MSRA: variants seen among roughly 807,000 people sequenced by gnomAD.
MSRA encodes the protein mitochondrial peptide methionine sulfoxide reductase.
In MSRA, 54 loss-of-function variants were observed where a neutral mutation model predicts 31.3. The observed-to-expected ratio is 1.73, with a 90% CI of 1.39 to 2.17. The LOEUF (loss-of-function observed/expected upper bound fraction) is 2.17, where lower values mean the gene tolerates loss of function less well. Among genes scored for constraint, MSRA ranks in the 30% most tolerant of loss-of-function variants. MSRA has a pLI of 0.00. For synonymous variants in MSRA, 169 were observed against 116.5 expected, an observed-to-expected ratio of 1.45 and a Z score of -2.90; for missense variants, 507 against 300.9, an observed-to-expected ratio of 1.69 and a Z score of -5.07.
chr8:10,373,730 G>A (rs1198067969), intron 5 of MSRA, among the ~76,000 whole-genome samples: 1 of 152,254 alleles, frequency 6.6e-6, no homozygotes, highest in East Asian at 1.9e-4. Context: ...CGTGCCGGGG[G>A]GCTGGGGAGA....
intron 5 of MSRA, among the ~76,000 whole-genome samples, chr8:10,326,196 C>T (rs142465633): frequency 2.6e-5 from 4 of 152,302 alleles, no homozygotes; most frequent in African/African-American, 9.6e-5. Flanking sequence ...CCCTAGTACC[C>T]AGCTTCTTCA....
In MSRA at chr8:10,350,405, C is replaced by T. The variant is rs1303239401; in HGVS notation, c.543+30416C>T. On this transcript the variant is annotated intron_variant, in intron 5 of 5. Transcript: ENST00000317173. ...AGCGCCGGCCGGATGCTTCTGCCTTCGCTCATTGACGGTTCTTGCTGGCTT... is the reference window on the plus strand; with the variant it reads ...AGCGCCGGCCGGATGCTTCTGCCTTTGCTCATTGACGGTTCTTGCTGGCTT... 1.3e-5 allele frequency among the ~76,000 whole-genome samples: 2 copies of T among 152,202 alleles called. 1 individual carries two copies. The highest frequency in any genetic ancestry group is 3.8e-4 in the East Asian group (2 of 5,196).
intron 1 of MSRA, among the ~76,000 whole-genome samples, chr8:10,180,095 C>A (rs183255554): frequency 3.9e-4 from 59 of 152,314 alleles, no homozygotes; most frequent in Middle Eastern, 3.4e-3. Flanking sequence ...AGGCTGCCCC[C>A]AACTTCAGAT....
intron 3 of MSRA, among the ~76,000 whole-genome samples, chr8:10,298,983 A>G (rs1173449411): frequency 6.6e-6 from 1 of 152,142 alleles, no homozygotes; most frequent in Non-Finnish European, 1.5e-5. Context: ...GGGGTTTCAG[A>G]AAAGATTTAG....
In MSRA at chr8:10,240,121, C is replaced by CA. The variant is rs151306008; in HGVS notation, c.212-4980dup. Among the ~76,000 whole-genome samples the CA allele has an allele frequency of 4.5e-4, 68 of 152,306 alleles. 1 individual carries two copies. Among genetic ancestry groups the CA allele is most frequent in the African/African-American group, 1.5e-3 (62 of 41,562 alleles). On this transcript the variant is annotated intron_variant, in intron 2 of 5. Transcript: ENST00000317173. ...GCCAAGACCCTGAAGGCAGGAAAGT[C>CA]AAACACGTGCCAAGAATACATGTAT...
At chr8:10,407,154 G>C (rs917468437) in intron 5 of MSRA, among the ~76,000 whole-genome samples, 8 of 152,228 alleles carry the variant, frequency 5.3e-5, no homozygotes, top group Non-Finnish European at 1.2e-4. Context: ...TGGGAGTGTA[G>C]GCAGAAGCCA....
At chr8:10,168,377 C>T (rs1805323242) in intron 1 of MSRA, among the ~76,000 whole-genome samples, 1 of 152,198 alleles carries the variant, frequency 6.6e-6, no homozygotes, top group South Asian at 2.1e-4. Flanking sequence ...TGCTATCATC[C>T]CTGGCCAACT....
chr8:10,278,055 A>G (rs1389260408), intron 3 of MSRA, among the ~76,000 whole-genome samples: 1 of 151,996 alleles, frequency 6.6e-6, no homozygotes, highest in Non-Finnish European at 1.5e-5. Flanking sequence ...TGTAATGTCG[A>G]TGCTCGCTGT....
At chr8:10,373,322 C>G (rs966216395) in intron 5 of MSRA, among the ~76,000 whole-genome samples, 2 of 152,240 alleles carry the variant, frequency 1.3e-5, no homozygotes, top group Admixed American at 6.5e-5. Context: ...TCCACAGTAG[C>G]TCAGAGATGT....
chr8:10,370,817 GGATTTGTCCTCCTTCCA>G (rs1010448164), intron 5 of MSRA, among the ~76,000 whole-genome samples: 1 of 152,200 alleles, frequency 6.6e-6, no homozygotes, highest in Admixed American at 6.5e-5. Context: ...CTGGCCATGT[GGATTTGTCCTCCTTCCA>G]GATGAGTCAG....
intron 5 of MSRA, among the ~76,000 whole-genome samples, chr8:10,401,007 G>C (rs1305008219): frequency 6.6e-6 from 1 of 151,760 alleles, no homozygotes; most frequent in Non-Finnish European, 1.5e-5. Context: ...TGGTGTCTTG[G>C]ATATGACACC....
chr8:10,207,711 G>A (rs1433417761), intron 1 of MSRA, 122 bp from the exon 2 acceptor site: 1 of 805,182 alleles, frequency 1.2e-6, no homozygotes, highest in Non-Finnish European at 1.9e-6. Flanking sequence ...CTCTTCAGAG[G>A]GTAAGCTTGG....
intron 3 of MSRA, among the ~76,000 whole-genome samples, chr8:10,299,599 G>A (rs550201372): frequency 2.0e-4 from 31 of 152,104 alleles, no homozygotes; most frequent in African/African-American, 7.5e-4. Flanking sequence ...AAAAGGACAT[G>A]CCAATTAGAG....
chr8:10,407,390 G>A (rs933231590), intron 5 of MSRA, among the ~76,000 whole-genome samples: 2 of 152,200 alleles, frequency 1.3e-5, no homozygotes, highest in African/African-American at 2.4e-5. Flanking sequence ...ACAAAGGTGG[G>A]TGATGGCTGA....
intron 1 of MSRA, among the ~76,000 whole-genome samples, chr8:10,059,566 C>T (rs1477793843): frequency 6.6e-6 from 1 of 152,114 alleles, no homozygotes; most frequent in East Asian, 1.9e-4. Flanking sequence ...TGAGGAAAGC[C>T]ATGACTTAAC....
At chr8:10,359,512 A>G (rs536242016) in intron 5 of MSRA, among the ~76,000 whole-genome samples, 2 of 152,182 alleles carry the variant, frequency 1.3e-5, no homozygotes, top group Non-Finnish European at 2.9e-5. Flanking sequence ...TTTGGCATGC[A>G]TTCATTATCT....
chr8:10,173,562 A>G (rs772138778), intron 1 of MSRA, among the ~76,000 whole-genome samples: 24 of 152,132 alleles, frequency 1.6e-4, no homozygotes, highest in African/African-American at 2.4e-4. Flanking sequence ...CGAGGCTACA[A>G]CTGTTCTCCA....
intron 1 of MSRA, among the ~76,000 whole-genome samples, chr8:10,125,104 G>C (rs1354075611): frequency 2.0e-5 from 3 of 152,228 alleles, no homozygotes; most frequent in Non-Finnish European, 4.4e-5. Context: ...GGCATGTGGT[G>C]ATAAGACTTC....
chr8:10,095,808 G>T (rs1799114664), intron 1 of MSRA: 1 of 1,231,038 alleles, frequency 8.1e-7, no homozygotes. Flanking sequence ...AGTATTAAGG[G>T]AAATAAAAGC....
Sources: gnomAD v4.1 joint callset for allele counts (sites outside exome capture counted in the v4.1 genomes callset) on GRCh38, gnomAD v4.1.1 for gene constraint, MANE v1.5 for transcripts, NCBI Gene and HGNC (gene_info 2026-07-23, HGNC 2026-07-21) for gene names.